ADAMTS17: variants seen among roughly 807,000 people sequenced by gnomAD.
The protein encoded by ADAMTS17 is A disintegrin and metalloproteinase with thrombospondin motifs 17.
In ADAMTS17, 113 loss-of-function variants were observed where a neutral mutation model predicts 141.5. That is an observed-to-expected ratio of 0.80 (90% CI 0.69 to 0.93). ADAMTS17 has a LOEUF of 0.93. ADAMTS17 is among the 40% of genes least tolerant of loss of function. The probability of loss-of-function intolerance (pLI) is 0.00; values close to 1 mark genes in which losing one functional copy is unlikely to be tolerated. For synonymous variants in ADAMTS17, 768 were observed against 630.6 expected (o/e 1.22, Z -3.27); for missense variants, 1,659 against 1,517.9 (o/e 1.09, Z -1.54).
chr15:100,133,420 G>C, intron 10 of ADAMTS17, 105 bp from the exon 11 acceptor site: 1 of 1,086,044 alleles, frequency 9.2e-7, no homozygotes, highest in East Asian at 2.6e-5. Context: ...TTTGGGATTC[G>C]AAACGTATGG....
chr15:100,178,755 T>C (rs890572863), intron 8 of ADAMTS17, among the ~76,000 whole-genome samples: 1 of 152,200 alleles, frequency 6.6e-6, no homozygotes, highest in Admixed American at 6.5e-5. Flanking sequence ...ACAAATTCTA[T>C]TAGATTTCCT....
intron 15 of ADAMTS17, among the ~76,000 whole-genome samples, chr15:100,088,144 C>G (rs893069729): frequency 1.7e-4 from 26 of 152,170 alleles, no homozygotes; most frequent in African/African-American, 6.0e-4. Context: ...CGCAAAGTCT[C>G]AGGATACAAA....
At chr15:99,976,327 C>G (rs925947502) in intron 20 of ADAMTS17, 105 bp from the exon 21 acceptor site, 2 of 1,404,212 alleles carry the variant, frequency 1.4e-6, no homozygotes, top group South Asian at 1.2e-5. Flanking sequence ...GAGTGGGGGC[C>G]TACACGAGGT....
Position 100,131,973 on chromosome 15 carries a change from G to A in ADAMTS17, c.1721+34C>T, listed in dbSNP as rs1057498048. Reference sequence around the variant, plus strand: ...GCTGCTGTTGGGAAACTCCAATCGTGGCACGTTGGGGTATGGCTGGTCAGG... The same window carrying A: ...GCTGCTGTTGGGAAACTCCAATCGTAGCACGTTGGGGTATGGCTGGTCAGG... On this transcript the variant is annotated intron_variant, in intron 12 of 21. Coordinates refer to ENST00000268070, the MANE Select transcript of ADAMTS17 (RefSeq NM_139057.4). The A allele has an allele frequency of 2.5e-6, 4 of 1,613,932 alleles. No individual in the cohort carries two copies. The African/African-American group carries it at 4.0e-5, about 16-fold the overall frequency.
chr15:100,265,840 G>A (rs2142011573), intron 4 of ADAMTS17, among the ~76,000 whole-genome samples: 1 of 152,328 alleles, frequency 6.6e-6, no homozygotes, highest in African/African-American at 2.4e-5. Context: ...CATGACCTGG[G>A]CACTTGTTGG....
chr15:100,163,200 C>A (rs904631097), intron 8 of ADAMTS17, among the ~76,000 whole-genome samples: 3 of 151,986 alleles, frequency 2.0e-5, no homozygotes, highest in African/African-American at 7.3e-5. Context: ...ATCAAGTAGG[C>A]TTTTAACTTT....
Position 100,254,279 on chromosome 15 carries a change from A to T in ADAMTS17, c.1032-100T>A, listed in dbSNP as rs1596370449. 3.6e-6 allele frequency: 4 copies of T among 1,103,278 alleles called. No individual in the cohort carries two copies. In the East Asian group the frequency reaches 9.5e-5, roughly 26 times the overall value. 68.3% of individuals were successfully genotyped at this position (1,103,278 alleles called of 1,614,324 possible). Reference sequence around the variant, plus strand: ...CCTCAAGTAGTCATCCTGCAATGTTATTTTTCCAGTGGACACAGGCCACAG... The same window carrying T: ...CCTCAAGTAGTCATCCTGCAATGTTTTTTTTCCAGTGGACACAGGCCACAG... On this transcript the variant is annotated intron_variant, in intron 6 of 21. Coordinates refer to ENST00000268070, the MANE Select transcript of ADAMTS17 (RefSeq NM_139057.4).
At chr15:100,054,945 G>T (rs1460252562) in intron 15 of ADAMTS17, among the ~76,000 whole-genome samples, 1 of 152,170 alleles carries the variant, frequency 6.6e-6, no homozygotes, top group Admixed American at 6.5e-5. Flanking sequence ...AGATCATGTG[G>T]TTCTCATGAG....
chr15:100,098,659 T>C (rs1388683188), intron 14 of ADAMTS17, among the ~76,000 whole-genome samples: 1 of 100,206 alleles, frequency 1.0e-5, no homozygotes, highest in African/African-American at 3.7e-5. Context: ...CAAGAGTCCG[T>C]CTCAAAAAAA....
chr15:100,331,016 G>T lies in ADAMTS17; in HGVS notation c.489C>A (p.Ile163=), dbSNP rs771356337. 6.2e-7 allele frequency: 1 copy of T among 1,614,178 alleles called. No individual in the cohort carries two copies. The highest frequency in any genetic ancestry group is 8.5e-7 in the Non-Finnish European group (1 of 1,180,044). The change falls in exon 3 of 22, where the codon ATC becomes ATA. Residue 163 remains isoleucine (I), a synonymous_variant. Coordinates refer to ENST00000268070, the MANE Select transcript of ADAMTS17 (RefSeq NM_139057.4). ...GGCCCTGGGAGTTGTTGAGGGGCTG[G>T]ATTAGCACCTGCTCCTGCCCAAGCT... is the stretch of plus-strand genomic sequence containing the variant. ...LIQLGQEQVL[I]QPLNNSQGPF... is the part of the protein sequence containing the mutation.
At chr15:100,148,420 G>T (rs905522467) in intron 10 of ADAMTS17, among the ~76,000 whole-genome samples, 7 of 151,868 alleles carry the variant, frequency 4.6e-5, no homozygotes, top group Middle Eastern at 3.4e-3. Context: ...TTATAATGTG[G>T]GCCTCTTGGT....
intron 20 of ADAMTS17, among the ~76,000 whole-genome samples, chr15:99,981,328 C>T (rs566407539): frequency 8.5e-5 from 13 of 152,328 alleles, no homozygotes; most frequent in African/African-American, 2.9e-4. Flanking sequence ...TGTCTGTTCT[C>T]ACTGTTCACT....
rs1345395527 is a variant in ADAMTS17 at position 100,053,868 on chromosome 15, A to C, written c.2295+29T>G. ...TAGACCTCTCGGAGCCACACCCCCT[A>C]AGACAAGTGTGGAAGCCCAGCAAGT... On this transcript the variant is annotated intron_variant, in intron 16 of 21. Transcript: ENST00000268070. The C allele has an allele frequency of 1.9e-6, 3 of 1,613,936 alleles. No homozygotes were observed. In the African/African-American group the frequency reaches 4.0e-5, roughly 22 times the overall value.
At chr15:99,987,778 G>A (rs1309221414) in intron 20 of ADAMTS17, among the ~76,000 whole-genome samples, 2 of 152,154 alleles carry the variant, frequency 1.3e-5, no homozygotes, top group Non-Finnish European at 2.9e-5. Flanking sequence ...AGGGAAAACG[G>A]GCAAGTTTCT....
At chr15:100,020,857 G>A (rs748687556) in intron 18 of ADAMTS17, among the ~76,000 whole-genome samples, 3 of 152,172 alleles carry the variant, frequency 2.0e-5, no homozygotes, top group African/African-American at 4.8e-5. Flanking sequence ...AGACCATGAC[G>A]TGTCATAATC....
At chr15:100,289,554 A>ACT (rs1178290785) in intron 3 of ADAMTS17, among the ~76,000 whole-genome samples, 1 of 146,432 alleles carries the variant, frequency 6.8e-6, no homozygotes, top group Non-Finnish European at 1.5e-5. Context: ...ACACTCACAC[A>ACT]CACACACACA....
intron 7 of ADAMTS17, among the ~76,000 whole-genome samples, chr15:100,221,936 G>A (rs1234749208): frequency 6.6e-6 from 1 of 152,182 alleles, no homozygotes; most frequent in Non-Finnish European, 1.5e-5. Flanking sequence ...GGGTCTCTGA[G>A]AAGCTGTGCA....
rs192057134 is a variant in ADAMTS17 at position 99,975,950 on chromosome 15, G to A, written c.3127+95C>T. 4,050 of 1,366,034 alleles carry A rather than the reference G, an allele frequency of 3.0e-3. 5 individuals are homozygous for A. The highest frequency in any genetic ancestry group is 3.6e-3 in the Non-Finnish European group (3,656 of 1,009,872). The allele number at this position is 1,366,034 out of a possible 1,614,324, so 84.6% of individuals were successfully genotyped here. A position where few individuals can be genotyped will look rare whatever the true frequency, so the allele number is the denominator to read the frequency against. On this transcript the variant is annotated intron_variant, in intron 21 of 21. Transcript: ENST00000268070. ...ATGTGACAAGTGAGGCCCAAGAAGGGGCTTTCTGGCTGAAAGAACCTCACC... is the reference window on the plus strand; with the variant it reads ...ATGTGACAAGTGAGGCCCAAGAAGGAGCTTTCTGGCTGAAAGAACCTCACC...
intron 5 of ADAMTS17, 112 bp downstream of exon 5, chr15:100,262,240 A>C: frequency 1.1e-6 from 1 of 938,538 alleles, no homozygotes; most frequent in East Asian, 2.5e-5. Context: ...AGCCACAGAG[A>C]GTGACGGAGA....
Sources: gnomAD v4.1 joint callset for allele counts (sites outside exome capture counted in the v4.1 genomes callset) on GRCh38, gnomAD v4.1.1 for gene constraint, MANE v1.5 for transcripts, NCBI Gene and HGNC (gene_info 2026-07-23, HGNC 2026-07-21) for gene names.